NVL: variants seen among roughly 807,000 people sequenced by gnomAD.
NVL encodes the protein nuclear valosin-containing protein-like.
Under a neutral mutation model 110.2 loss-of-function variants are expected in NVL, and 84 were observed. That is an observed-to-expected ratio of 0.76 (90% CI 0.64 to 0.91). The LOEUF (loss-of-function observed/expected upper bound fraction) is 0.91. Among genes scored for constraint, NVL ranks in the 40% least tolerant of loss-of-function variants. NVL has a pLI of 0.00. For synonymous variants in NVL, 354 were observed against 361.1 expected (o/e 0.98, Z 0.22); for missense variants, 882 against 1,035.9 (o/e 0.85, Z 2.04).
At chr1:224,268,832 A>C (rs1309934256) in intron 17 of NVL, among the ~76,000 whole-genome samples, 2 of 149,534 alleles carry the variant, frequency 1.3e-5, no homozygotes, top group African/African-American at 4.9e-5. Context: ...CTAATTTTGT[A>C]ATTTCAGTAG....
chr1:224,290,415 G>C (rs529751081), intron 12 of NVL, among the ~76,000 whole-genome samples: 6 of 152,316 alleles, frequency 3.9e-5, no homozygotes, highest in African/African-American at 1.4e-4. Flanking sequence ...CCAGCACTCT[G>C]GGAGGCTGAG....
At chr1:224,308,438 C>T (rs565849176) in intron 5 of NVL, among the ~76,000 whole-genome samples, 175 bp from the exon 6 acceptor site, 102 of 152,200 alleles carry the variant, frequency 6.7e-4, no homozygotes, top group Non-Finnish European at 1.3e-3. Flanking sequence ...TGCCTGTAAT[C>T]CCAGCACTTT....
intron 19 of NVL, among the ~76,000 whole-genome samples, chr1:224,244,517 G>A (rs1289584005): frequency 6.6e-6 from 1 of 151,962 alleles, no homozygotes; most frequent in Non-Finnish European, 1.5e-5. Flanking sequence ...TGTTGCCCAG[G>A]CTGGAGTGCA....
chr1:224,294,148 T>C (rs1667641754), intron 12 of NVL, 119 bp downstream of exon 12: 3 of 1,096,402 alleles, frequency 2.7e-6, no homozygotes. Flanking sequence ...ATCAATTTAA[T>C]TGGTACAAAA....
At chr1:224,239,297 AT>A (rs375415793) in intron 19 of NVL, among the ~76,000 whole-genome samples, 3,129 of 151,888 alleles carry the variant, frequency 0.021, 86 homozygotes, top group African/African-American at 0.067. Flanking sequence ...AATCTTTATT[AT>A]TTAATTTTTT....
intron 22 of NVL, among the ~76,000 whole-genome samples, chr1:224,230,441 A>G (rs989049473): frequency 1.7e-4 from 26 of 152,164 alleles, no homozygotes; most frequent in Middle Eastern, 6.8e-3. Flanking sequence ...TGTCTCTACT[A>G]AAAATACAAA....
chr1:224,280,713 A>C (rs1258501576), intron 16 of NVL, among the ~76,000 whole-genome samples: 1 of 152,234 alleles, frequency 6.6e-6, no homozygotes. Flanking sequence ...ATAAATTCAA[A>C]GTGTCTTAAA....
At chr1:224,249,790 G>A (rs894656677) in intron 19 of NVL, among the ~76,000 whole-genome samples, 19 of 152,128 alleles carry the variant, frequency 1.2e-4, no homozygotes, top group African/African-American at 4.6e-4. Flanking sequence ...CTGGAGTACA[G>A]TGGTGTGATC....
At chr1:224,308,561 G>A (rs1170606446) in intron 5 of NVL, among the ~76,000 whole-genome samples, 3 of 151,190 alleles carry the variant, frequency 2.0e-5, no homozygotes, top group Non-Finnish European at 4.4e-5. Flanking sequence ...CGCAGTGGTA[G>A]GCACCTGTAA....
chr1:224,328,846 G>A (rs537753084), intron 1 of NVL, among the ~76,000 whole-genome samples: 4 of 152,132 alleles, frequency 2.6e-5, no homozygotes, highest in African/African-American at 9.7e-5. Context: ...ATGCTGACTA[G>A]GCAGCTGGAT....
Position 224,275,603 on chromosome 1 carries a change from G to A in NVL, c.1963-145C>T, listed in dbSNP as rs1004202562. ...TCAGAATGAACCATATACAATTGCTGATATTTAACCATTTTTGACCTGTAA... is the reference window on the plus strand; with the variant it reads ...TCAGAATGAACCATATACAATTGCTAATATTTAACCATTTTTGACCTGTAA... On this transcript the variant is annotated intron_variant, in intron 16 of 22. Transcript: ENST00000281701. 6 of 995,200 alleles carry A rather than the reference G, an allele frequency of 6.0e-6. No homozygotes were observed. The Admixed American group carries it at 7.3e-5, about 12-fold the overall frequency. The allele number at this position is 995,200 out of a possible 1,614,324, so 61.6% of individuals were successfully genotyped here.
rs527441237 is a variant in NVL at position 224,294,746 on chromosome 1, A to C, written c.1181-335T>G. 2.0e-5 allele frequency among the ~76,000 whole-genome samples: 3 copies of C among 152,326 alleles called. No individual in the cohort carries two copies. The South Asian group carries it at 6.2e-4, about 32-fold the overall frequency. ...ACATCATGAATTCCAACTGAGGAATAAGGGAGGGTTCATGGAGGTGGTAAC... is the reference window on the plus strand; with the variant it reads ...ACATCATGAATTCCAACTGAGGAATCAGGGAGGGTTCATGGAGGTGGTAAC... On this transcript the variant is annotated intron_variant, in intron 11 of 22. Coordinates refer to ENST00000281701, the MANE Select transcript of NVL (RefSeq NM_002533.4).
intron 19 of NVL, among the ~76,000 whole-genome samples, chr1:224,246,930 G>A (rs1661895638): frequency 6.6e-6 from 1 of 151,910 alleles, no homozygotes; most frequent in South Asian, 2.1e-4. Context: ...GGCCCCAGCT[G>A]CGTGGGGAGG....
At chr1:224,307,935 T>G in intron 6 of NVL, 56 bp downstream of exon 6, 1 of 1,464,008 alleles carries the variant, frequency 6.8e-7, no homozygotes, top group South Asian at 1.5e-5. Flanking sequence ...TATATTCAAC[T>G]AAAAGGTTGA....
intron 18 of NVL, among the ~76,000 whole-genome samples, chr1:224,256,211 G>A (rs1282313218): frequency 6.6e-6 from 1 of 151,990 alleles, no homozygotes; most frequent in East Asian, 1.9e-4. Context: ...GATCACTTGA[G>A]GTCAGGAGTT....
At chr1:224,234,428 T>C (rs1660243786) in intron 20 of NVL, among the ~76,000 whole-genome samples, 1 of 152,148 alleles carries the variant, frequency 6.6e-6, no homozygotes, top group East Asian at 1.9e-4. Context: ...AAACTTATTA[T>C]ATAATGTTGA....
chr1:224,325,086 C>G (rs1671008532), intron 2 of NVL, among the ~76,000 whole-genome samples: 1 of 151,638 alleles, frequency 6.6e-6, no homozygotes, highest in Non-Finnish European at 1.5e-5. Flanking sequence ...CATGGTGAAA[C>G]CCCATCTCTA....
chr1:224,320,334 A>T (rs1187469717), intron 2 of NVL, among the ~76,000 whole-genome samples: 1 of 152,092 alleles, frequency 6.6e-6, no homozygotes, highest in Non-Finnish European at 1.5e-5. Flanking sequence ...TCTTTGTACT[A>T]TTTTTTCCAT....
intron 20 of NVL, among the ~76,000 whole-genome samples, chr1:224,234,632 T>C (rs1480024861): frequency 6.6e-6 from 1 of 152,078 alleles, no homozygotes; most frequent in Non-Finnish European, 1.5e-5. Flanking sequence ...ATCTGGTGTT[T>C]TGTTGGCTAA....
Sources: gnomAD v4.1 joint callset for allele counts (sites outside exome capture counted in the v4.1 genomes callset) on GRCh38, gnomAD v4.1.1 for gene constraint, MANE v1.5 for transcripts, NCBI Gene and HGNC (gene_info 2026-07-23, HGNC 2026-07-21) for gene names.